The following TSNAXIP1 variants were observed in gnomAD, a reference collection of about 807,000 sequenced individuals.
The protein encoded by TSNAXIP1 is translin associated factor X interacting protein 1, also known as translin-associated factor X-interacting protein 1.
In TSNAXIP1, 89 loss-of-function variants were observed where a neutral mutation model predicts 84.8. The observed-to-expected ratio is 1.05, with a 90% confidence interval of 0.88 to 1.25. The LOEUF (loss-of-function observed/expected upper bound fraction) is 1.25, where lower values mean the gene tolerates loss of function less well. Among genes scored for constraint, TSNAXIP1 ranks in the 50% most tolerant of loss-of-function variants. TSNAXIP1 has a pLI of 0.00. For missense variants in TSNAXIP1, 874 were observed against 887.6 expected, an observed-to-expected ratio of 0.98 and a Z score of 0.20; for synonymous variants, 347 against 335.2, an observed-to-expected ratio of 1.04 and a Z score of -0.39.
In TSNAXIP1 at chr16:67,827,393, G is replaced by T. The variant is rs113573401; in HGVS notation, c.1791+18G>T. The T allele has an allele frequency of 6.2e-7, 1 of 1,613,954 alleles. No individual in the cohort carries two copies. Among genetic ancestry groups the T allele is most frequent in the African/African-American group, 1.3e-5 (1 of 75,056 alleles). On this transcript the variant is annotated intron_variant, in intron 14 of 15. Transcript: ENST00000561639. The stretch of plus-strand genomic sequence containing the variant: ...TTATGGAGGTGGGTGTGTGGGGTCC[G>T]GGGACTGGCCTGGCCCCTGCCCTAG...
chr16:67,821,779 C>G (rs1034896634), intron 4 of TSNAXIP1, among the ~76,000 whole-genome samples: 1 of 151,388 alleles, frequency 6.6e-6, no homozygotes, highest in African/African-American at 2.4e-5. Context: ...CGCTTGAGGT[C>G]AGGAGTTCAA....
At chr16:67,821,269 G>A (rs774665521) in intron 4 of TSNAXIP1, 44 bp downstream of exon 4, 11 of 1,514,732 alleles carry the variant, frequency 7.3e-6, no homozygotes, top group Admixed American at 7.2e-5. Context: ...GGGAAGGGTG[G>A]GAAGAAGCTT....
At chr16:67,814,251 T>C in intron 1 of TSNAXIP1, 51 bp from the exon 2 acceptor site, 1 of 1,403,296 alleles carries the variant, frequency 7.1e-7, no homozygotes, top group Non-Finnish European at 9.7e-7. Context: ...GGGAGTTCTC[T>C]TCCCACTCTG....
At chr16:67,808,267 A>G (rs1336129710) in intron 1 of TSNAXIP1, among the ~76,000 whole-genome samples, 1 of 151,608 alleles carries the variant, frequency 6.6e-6, no homozygotes, top group East Asian at 1.9e-4. Flanking sequence ...CTGCCTTGAC[A>G]GAGAAAAGCC....
intron 1 of TSNAXIP1, among the ~76,000 whole-genome samples, chr16:67,811,298 TAAC>T (rs1219117090): frequency 6.6e-6 from 1 of 152,128 alleles, no homozygotes; most frequent in Non-Finnish European, 1.5e-5. Context: ...TATTCAAAAC[TAAC>T]AACATCTGTT....
rs1555569516 is a variant in TSNAXIP1, at chr16:67,817,160, G to GT, written c.147+2766dup. Reference sequence around the variant, plus strand: ...TTTTGCGGTTTTTTTTTTGTTTTTTGTTTTTTTGAAACAGAGTCTTGCTTT... The same window carrying GT: ...TTTTGCGGTTTTTTTTTTGTTTTTTGTTTTTTTTGAAACAGAGTCTTGCTTT... On this transcript the variant is annotated intron_variant, in intron 2 of 15. Coordinates refer to ENST00000561639, the MANE Select transcript of TSNAXIP1 (RefSeq NM_001288990.3). Among the ~76,000 whole-genome samples the GT allele has an allele frequency of 1.4e-4, 20 of 147,472 alleles. 1 individual carries two copies. The highest frequency in any genetic ancestry group is 3.0e-4 in the African/African-American group (12 of 39,980).
At chr16:67,816,203 G>C (rs2056540036) in intron 2 of TSNAXIP1, among the ~76,000 whole-genome samples, 1 of 151,842 alleles carries the variant, frequency 6.6e-6, no homozygotes, top group Admixed American at 6.6e-5. Context: ...TCCTGCCCTC[G>C]TGATCCGCCC....
Position 67,827,719 on chromosome 16 carries a change from G to A in TSNAXIP1, c.1899-34G>A, listed in dbSNP as rs377012537. On this transcript the variant is annotated intron_variant, in intron 15 of 15. Coordinates refer to ENST00000561639, the MANE Select transcript of TSNAXIP1 (RefSeq NM_001288990.3). The stretch of plus-strand genomic sequence containing the variant: ...GGAGTCTGGGGCACGGAGAGGAGGG[G>A]TCAGGGCCTGTCACTCTCTTTCCTG... The A allele has an allele frequency of 4.2e-5, 67 of 1,613,080 alleles. No homozygotes were observed. The African/African-American group carries it at 7.9e-4, about 19-fold the overall frequency.
chr16:67,822,969 C>T (rs2057180264), intron 4 of TSNAXIP1, among the ~76,000 whole-genome samples: 1 of 152,186 alleles, frequency 6.6e-6, no homozygotes, highest in African/African-American at 2.4e-5. Context: ...ATCTACCAGG[C>T]TCTAAGATGG....
In TSNAXIP1 at chr16:67,827,484, C is replaced by G; in HGVS notation, c.1803C>G (p.Gly601=). 6.2e-7 allele frequency: 1 copy of G among 1,614,134 alleles called. No homozygotes were observed. The highest frequency in any genetic ancestry group is 8.5e-7 in the Non-Finnish European group (1 of 1,180,000). ...GTGGCCCCTCCCAGGATGAGGAGGG[C>G]CAGAGTGAGCCCTTTGTGCAAAAAC... The part of the protein sequence containing the change: ...YRSLFMEDEE[G]QSEPFVQKLW... Residue 601 remains glycine (G), a synonymous_variant, in exon 15 of 16, where the codon GGC becomes GGG. Coordinates refer to ENST00000561639, the MANE Select transcript of TSNAXIP1 (RefSeq NM_001288990.3).
chr16:67,821,806 A>C (rs2057078781), intron 4 of TSNAXIP1, among the ~76,000 whole-genome samples: 1 of 151,756 alleles, frequency 6.6e-6, no homozygotes. Flanking sequence ...CCTGGTCAAC[A>C]TGGTGAAACC....
Position 67,807,091 on chromosome 16 carries a change from C to A in TSNAXIP1, c.-59C>A. The A allele has an allele frequency of 6.6e-7, 1 of 1,526,484 alleles. No individual in the cohort carries two copies. The highest frequency in any genetic ancestry group is 8.8e-7 in the Non-Finnish European group (1 of 1,141,118). 94.6% of individuals were successfully genotyped at this position (1,526,484 alleles called of 1,614,324 possible). On this transcript the variant is annotated 5_prime_UTR_variant, in exon 1 of 16. It adds an upstream start codon to the 5' untranslated region. Transcript: ENST00000561639. Reference sequence around the variant, plus strand: ...GGGGCCTGGTCGCCATGGCGACCGGCTGTACGCTACCACAGCTTCCCAGGC... The same window carrying A: ...GGGGCCTGGTCGCCATGGCGACCGGATGTACGCTACCACAGCTTCCCAGGC...
At chr16:67,825,310 G>T (rs375664361) in intron 7 of TSNAXIP1, 38 bp downstream of exon 7, 10 of 1,610,766 alleles carry the variant, frequency 6.2e-6, no homozygotes, top group Non-Finnish European at 7.6e-6. Context: ...TCTCTTCTCT[G>T]AGACGCTGGA....
Position 67,825,703 on chromosome 16 carries a change from C to T in TSNAXIP1, c.851C>T (p.Ala284Val). The change falls in exon 8 of 16, where the codon GCT becomes GTT. Residue 284 changes from alanine (A) to valine (V), a missense_variant. Coordinates refer to ENST00000561639, the MANE Select transcript of TSNAXIP1 (RefSeq NM_001288990.3). ...GAGGACCCTGTGAAGTTAACCCTGG[C>T]TCTTAAGATGACCCGGCAAGACCTG... is the stretch of plus-strand genomic sequence containing the variant. ...WGEDPVKLTL[A>V]LKMTRQDLTR... 1 of 1,614,076 alleles carries T rather than the reference C, an allele frequency of 6.2e-7. No individual in the cohort carries two copies. The highest frequency in any genetic ancestry group is 1.7e-5 in the Admixed American group (1 of 60,006).
Position 67,824,657 on chromosome 16 carries a change from G to A in TSNAXIP1, c.556G>A (p.Glu186Lys). 1.2e-6 allele frequency: 2 copies of A among 1,614,170 alleles called. No homozygotes were observed. Among genetic ancestry groups the A allele is most frequent in the Non-Finnish European group, 1.7e-6 (2 of 1,180,028 alleles). ...TGTCACTGTGAATGAGGACTGCAAT[G>A]AGAGGATCCTGGCCATGAGAGCTGA... ...KLVTVNEDCN[E>K]RILAMRAEEK... Residue 186 changes from glutamate (E) to lysine (K), a missense_variant, in exon 6 of 16, where the codon GAG becomes AAG. By Grantham distance (56) the Glu-to-Lys change is moderately conservative. Coordinates refer to ENST00000561639, the MANE Select transcript of TSNAXIP1 (RefSeq NM_001288990.3).
Position 67,814,350 on chromosome 16 carries a change from A to G in TSNAXIP1, c.96A>G (p.Thr32=), listed in dbSNP as rs927859345. The stretch of plus-strand genomic sequence containing the variant: ...TGACCATAGACGAATCCTTTCTCAC[A>G]GAAGACAAGAGCACCCAGAATCGCA... ...SGVTIDESFL[T]EDKSTQNRKL... is the part of the protein sequence containing the mutation. Residue 32 remains threonine, a synonymous_variant, in exon 2 of 16, where the codon ACA becomes ACG. Transcript: ENST00000561639. 4.6e-5 allele frequency: 70 copies of G among 1,535,996 alleles called. No homozygotes were observed. Among genetic ancestry groups the G allele is most frequent in the Non-Finnish European group, 5.7e-5 (65 of 1,146,918 alleles).
At chr16:67,823,874 C>T (rs929655277) in intron 5 of TSNAXIP1, among the ~76,000 whole-genome samples, 155 bp downstream of exon 5, 1 of 151,898 alleles carries the variant, frequency 6.6e-6, no homozygotes, top group African/African-American at 2.4e-5. Context: ...AAAAAATTAG[C>T]TGCGCATGGT....
At chr16:67,814,252 T>C (rs1675175403) in intron 1 of TSNAXIP1, 50 bp from the exon 2 acceptor site, 2 of 1,412,732 alleles carry the variant, frequency 1.4e-6, no homozygotes, top group Non-Finnish European at 1.9e-6. Flanking sequence ...GGAGTTCTCT[T>C]CCCACTCTGG....
At chr16:67,808,223 A>G (rs1282820355) in intron 1 of TSNAXIP1, among the ~76,000 whole-genome samples, 1 of 151,212 alleles carries the variant, frequency 6.6e-6, no homozygotes, top group Non-Finnish European at 1.5e-5. Context: ...AAAAAAAAAC[A>G]CCACCCAATC....
Sources: allele counts gnomAD v4.1 joint callset (sites outside exome capture counted in the v4.1 genomes callset), GRCh38; gene constraint gnomAD v4.1.1; transcripts MANE v1.5; gene names NCBI Gene and HGNC (gene_info 2026-07-23, HGNC 2026-07-21).